Variants in DLG5 observed in about 807,000 individuals in gnomAD.
DLG5 encodes disks large homolog 5.
A neutral mutation model predicts 189.8 loss-of-function variants in DLG5; 48 were observed. The observed-to-expected ratio is 0.25, with a 90% CI of 0.20 to 0.32. The LOEUF is 0.32. DLG5 is among the 10% of genes least tolerant of loss of function. The pLI is 1.00. For synonymous variants in DLG5, 1,016 were observed against 1,054.1 expected (o/e 0.96, Z 0.70); for missense variants, 2,160 against 2,544.7 (o/e 0.85, Z 3.25).
chr10:77,819,252 C>T, intron 17 of DLG5, 69 bp downstream of exon 17: 6 of 1,609,308 alleles, frequency 3.7e-6, no homozygotes, highest in Non-Finnish European at 5.1e-6. Context: ...TCTTTATGCA[C>T]TCATGGTTCC....
rs147486538 is a variant in DLG5 at position 77,817,031 on chromosome 10, G to A, written c.3850C>T (p.Arg1284Trp). 19 of 1,614,006 alleles carry A rather than the reference G, an allele frequency of 1.2e-5. No homozygotes were observed. The highest frequency in any genetic ancestry group is 2.2e-5 in the East Asian group (1 of 44,890). The change falls in exon 19 of 32, where the codon CGG becomes TGG. Residue 1284 changes from arginine to tryptophan, a missense_variant. Around this residue, in one of 5 missense-constraint regions of DLG5, gnomAD observed 754 missense variants for 746.5 expected, o/e 1.01. Coordinates refer to ENST00000372391, the MANE Select transcript of DLG5 (RefSeq NM_004747.4). The part of the protein sequence containing the change: ...IKIPSTPRYP[R>W]SVVGSERGSV... The stretch of plus-strand genomic sequence containing the variant: ...CCTCTCTCGGAGCCCACGACACTCC[G>A]CGGATATCTTGGTGTTGATGGGATT...
chr10:77,872,092 G>C (rs1287264153), intron 1 of DLG5, among the ~76,000 whole-genome samples: 1 of 152,186 alleles, frequency 6.6e-6, no homozygotes, highest in Admixed American at 6.5e-5. Flanking sequence ...GTCTACTCAG[G>C]AAAGCAGGCA....
intron 20 of DLG5, among the ~76,000 whole-genome samples, chr10:77,814,750 T>A (rs1281425037): frequency 2.6e-5 from 4 of 151,822 alleles, no homozygotes; most frequent in African/African-American, 9.7e-5. Flanking sequence ...AATTTTTGTA[T>A]TTTTAGTAGA....
intron 2 of DLG5, chr10:77,867,901 T>C (rs1394468692): frequency 1.3e-5 from 6 of 456,258 alleles, no homozygotes; most frequent in Non-Finnish European, 2.6e-5. Flanking sequence ...TAGGCCAATC[T>C]GACCAGTGTC....
In DLG5 at chr10:77,812,711, A is replaced by G. The variant is rs548100350; in HGVS notation, c.4026-334T>C. 3.9e-5 allele frequency among the ~76,000 whole-genome samples: 6 copies of G among 152,136 alleles called. No individual in the cohort carries two copies. The East Asian group carries it at 1.2e-3, about 29-fold the overall frequency. ...GCTGCCCCACAATATGCAATTACAA[A>G]CTCTGGGGGGTCTTGAGATGCCCTC... is the stretch of plus-strand genomic sequence containing the variant. On this transcript the variant is annotated intron_variant, in intron 20 of 31. Transcript: ENST00000372391.
At chr10:77,903,238 G>A (rs1845981608) in intron 1 of DLG5, among the ~76,000 whole-genome samples, 2 of 152,068 alleles carry the variant, frequency 1.3e-5, no homozygotes, top group South Asian at 2.1e-4. Flanking sequence ...GGCCAGCCTG[G>A]CCAATATGGA....
chr10:77,891,820 G>A (rs1845618195), intron 1 of DLG5, among the ~76,000 whole-genome samples: 1 of 152,266 alleles, frequency 6.6e-6, no homozygotes, highest in East Asian at 1.9e-4. Context: ...TTCTGCATGC[G>A]GGAACACTGA....
intron 1 of DLG5, among the ~76,000 whole-genome samples, chr10:77,887,418 C>T (rs1318849150): frequency 6.6e-6 from 1 of 151,218 alleles, no homozygotes; most frequent in African/African-American, 2.4e-5. Flanking sequence ...AGGCCCCCAG[C>T]AGACACTTCA....
intron 2 of DLG5, among the ~76,000 whole-genome samples, chr10:77,859,495 CT>C (rs1329027820): frequency 6.6e-6 from 1 of 152,148 alleles, no homozygotes; most frequent in African/African-American, 2.4e-5. Flanking sequence ...TGTACTGTTG[CT>C]GCAGCTTTTC....
At position 77,816,709 on chromosome 10, in the gene DLG5, G is replaced by T; in HGVS notation, c.3875-8C>A. 6.3e-7 allele frequency: 1 copy of T among 1,598,992 alleles called. No homozygotes were observed. The highest frequency in any genetic ancestry group is 8.5e-7 in the Non-Finnish European group (1 of 1,172,238). ...CAGAATGTGACACTGAACCTGCAGA[G>T]AGGAGCGGGTAATGCCGGTGTGAAC... On this transcript the variant is annotated splice_region_variant and splice_polypyrimidine_tract_variant and intron_variant, in intron 19 of 31. Transcript: ENST00000372391.
In DLG5 at chr10:77,795,059, C is replaced by T. The variant is rs375536608; in HGVS notation, c.5437-101G>A. ...CCCACCTCACCTCACAGGGCTCTAC[C>T]CACAAACAAGGCAGTAAAGCCACAC... On this transcript the variant is annotated intron_variant, in intron 29 of 31. Coordinates refer to ENST00000372391, the MANE Select transcript of DLG5 (RefSeq NM_004747.4). 4.0e-4 allele frequency: 348 copies of T among 868,520 alleles called. 1 individual carries two copies. In the African/African-American group the frequency reaches 4.2e-3, roughly 10 times the overall value. The allele number at this position is 868,520 out of a possible 1,614,324, so 53.8% of individuals were successfully genotyped here.
chr10:77,865,124 T>C (rs1844620386), intron 2 of DLG5, among the ~76,000 whole-genome samples: 1 of 152,166 alleles, frequency 6.6e-6, no homozygotes, highest in Non-Finnish European at 1.5e-5. Flanking sequence ...TTCTTTCTGC[T>C]CTACACAGAA....
At position 77,821,625 on chromosome 10, in the gene DLG5, G is replaced by A. The variant is rs1452831906; in HGVS notation, c.2859C>T (p.Ser953=). 11 of 1,612,986 alleles carry A rather than the reference G, an allele frequency of 6.8e-6. No individual in the cohort carries two copies. Among genetic ancestry groups the A allele is most frequent in the East Asian group, 2.2e-5 (1 of 44,882 alleles). The change falls in exon 15 of 32, where the codon AGC becomes AGT. Residue 953 remains serine, a synonymous_variant. Transcript: ENST00000372391. ...SGGTWPKAML[S]STAVPEKLSV... ...AGAGCTTCTCAGGCACTGCCGTGGAGCTGAGCATGGCCTTGGGCCAGGTCC... is the reference window on the plus strand; with the variant it reads ...AGAGCTTCTCAGGCACTGCCGTGGAACTGAGCATGGCCTTGGGCCAGGTCC...
chr10:77,857,084 A>G (rs1355245812), intron 2 of DLG5, among the ~76,000 whole-genome samples, 192 bp from the exon 3 acceptor site: 2 of 152,270 alleles, frequency 1.3e-5, no homozygotes, highest in Middle Eastern at 3.4e-3. Flanking sequence ...AGTGCAGGGC[A>G]TCTGGCTCCA....
chr10:77,922,709 T>TAAGA lies in DLG5; in HGVS notation c.304+3507_304+3508insTCTT, dbSNP rs1284684203. 4.6e-5 allele frequency among the ~76,000 whole-genome samples: 7 copies of TAAGA among 151,882 alleles called. No homozygotes were observed. In the South Asian group the frequency reaches 1.0e-3, roughly 23 times the overall value. ...ACCAAAGATCATAAGACACCACTCA[T>TAAGA]CTCCCTGGGGCTGCCACAGAGTTAA... On this transcript the variant is annotated intron_variant, in intron 1 of 31. Transcript: ENST00000372391.
At chr10:77,809,820 C>A in intron 23 of DLG5, 90 bp from the exon 24 acceptor site, 1 of 1,446,464 alleles carries the variant, frequency 6.9e-7, no homozygotes. Context: ...CCGCTTTCTG[C>A]CTGCTTCTTG....
At chr10:77,816,465 C>A (rs945623093) in intron 20 of DLG5, 86 bp downstream of exon 20, 10 of 1,590,294 alleles carry the variant, frequency 6.3e-6, no homozygotes, top group Non-Finnish European at 8.6e-6. Context: ...TTCTACTAAG[C>A]CCCTTCCCTG....
chr10:77,896,227 A>G (rs1014149340), intron 1 of DLG5, among the ~76,000 whole-genome samples: 2 of 152,228 alleles, frequency 1.3e-5, no homozygotes, highest in Admixed American at 6.5e-5. Flanking sequence ...TGGATAATCC[A>G]GATTTTATTT....
Position 77,852,378 on chromosome 10 carries a change from T to A in DLG5, c.864+976A>T, listed in dbSNP as rs547597585. ...AGAGCGAACTCTGTCTCAAAAAAAA[T>A]AAATAAATAAAATAACAGGAATCAC... On this transcript the variant is annotated intron_variant, in intron 5 of 31. Coordinates refer to ENST00000372391, the MANE Select transcript of DLG5 (RefSeq NM_004747.4). Among the ~76,000 whole-genome samples, 289 of 151,748 alleles carry A rather than the reference T, an allele frequency of 1.9e-3. 1 individual carries two copies. The highest frequency in any genetic ancestry group is 6.6e-3 in the African/African-American group (270 of 41,206).
Sources: gnomAD v4.1 joint callset for allele counts (sites outside exome capture counted in the v4.1 genomes callset) on GRCh38, gnomAD v4.1.1 for gene constraint, gnomAD v4.1.1 regional missense constraint, MANE v1.5 for transcripts, NCBI Gene and HGNC (gene_info 2026-07-23, HGNC 2026-07-21) for gene names.